The following PARPBP variants were observed in gnomAD, a reference collection of about 807,000 sequenced individuals.
The protein encoded by PARPBP is PCNA-interacting partner.
PARPBP carries 52 observed loss-of-function variants against 50.0 expected under a neutral mutation model. The observed-to-expected ratio is 1.04, with a 90% confidence interval of 0.83 to 1.31. The LOEUF (loss-of-function observed/expected upper bound fraction) is 1.31. PARPBP is among the 50% of genes most tolerant of loss of function. The probability of loss-of-function intolerance (pLI) is 0.00; values close to 1 mark genes in which losing one functional copy is unlikely to be tolerated. For synonymous variants in PARPBP, 244 were observed against 232.1 expected (o/e 1.05, Z -0.47); for missense variants, 697 against 672.0 (o/e 1.04, Z -0.41).
At chr12:102,132,210 CAAAA>C (rs202066385) in intron 2 of PARPBP, among the ~76,000 whole-genome samples, 2 of 104,350 alleles carry the variant, frequency 1.9e-5, no homozygotes, top group Non-Finnish European at 2.0e-5. Flanking sequence ...GACCCTGTCT[CAAAA>C]AAAAAAAAAA....
chr12:102,120,287 G>GT lies in PARPBP; in HGVS notation c.-4+2dup. On this transcript the variant is annotated splice_donor_variant, in intron 1 of 10. Coordinates refer to ENST00000327680, the MANE Select transcript of PARPBP (RefSeq NM_017915.5). LOFTEE classifies it low-confidence loss of function (5UTR_SPLICE). ...CGTCTTCGGGTCTACCCCTAATCAC[G>GT]TAAGTCTCGCGTCTGCCCTACCTGC... 2 of 342,052 alleles carry GT rather than the reference G, an allele frequency of 5.8e-6. No homozygotes were observed. The highest frequency in any genetic ancestry group is 4.1e-5 in the South Asian group (2 of 48,260). The allele number at this position is 342,052 out of a possible 1,614,324, so 21.2% of individuals were successfully genotyped here.
rs994772118 is a variant in PARPBP at position 102,196,159 on chromosome 12, A to G, written c.1608A>G (p.Ile536Met). ...CACCTCAACATAAAAATGCTAAAAT[A>G]CCTAAGAAATCAAATGATTCACAGA... ...NEPPQHKNAK[I>M]PKKSNDSQNR... Residue 536 changes from isoleucine to methionine, a missense_variant, in exon 11 of 11, where the codon ATA (isoleucine) becomes ATG (methionine). Physicochemically the swap from Ile to Met is conservative, Grantham distance 10 (BLOSUM62 1). Transcript: ENST00000327680. 3.5e-5 allele frequency: 57 copies of G among 1,612,036 alleles called. No homozygotes were observed. The highest frequency in any genetic ancestry group is 4.4e-5 in the Non-Finnish European group (52 of 1,178,558).
intron 6 of PARPBP, among the ~76,000 whole-genome samples, chr12:102,172,879 G>A (rs559538976): frequency 1.2e-3 from 176 of 152,090 alleles, no homozygotes; most frequent in African/African-American, 4.0e-3. Context: ...TGTTAATTAC[G>A]TTTTCATTTT....
intron 2 of PARPBP, among the ~76,000 whole-genome samples, chr12:102,124,629 A>T (rs1024988453): frequency 6.6e-6 from 1 of 152,192 alleles, no homozygotes; most frequent in Non-Finnish European, 1.5e-5. Flanking sequence ...AAGGCTGTAG[A>T]GGAGGTATGA....
intron 6 of PARPBP, among the ~76,000 whole-genome samples, chr12:102,171,823 C>T (rs968848314): frequency 1.3e-5 from 2 of 151,142 alleles, no homozygotes; most frequent in Non-Finnish European, 2.9e-5. Context: ...GAGCCGAGAT[C>T]GCGCCACTGC....
chr12:102,155,109 A>G (rs1886697207), intron 4 of PARPBP: 2 of 250,672 alleles, frequency 8.0e-6, no homozygotes, highest in Admixed American at 1.0e-4. Flanking sequence ...GGCTGAACCA[A>G]TCTTTACCTC....
intron 7 of PARPBP, among the ~76,000 whole-genome samples, chr12:102,178,365 A>T (rs1047387949): frequency 6.6e-6 from 1 of 152,168 alleles, no homozygotes; most frequent in Non-Finnish European, 1.5e-5. Context: ...CCAGAACCTA[A>T]TGTCTTCTTT....
intron 4 of PARPBP, among the ~76,000 whole-genome samples, chr12:102,161,248 G>C (rs1036933081): frequency 5.3e-5 from 8 of 151,992 alleles, no homozygotes; most frequent in Admixed American, 4.6e-4. Context: ...TGGGATTACA[G>C]GTGTGTGCCA....
chr12:102,170,748 T>G (rs2136412470), intron 6 of PARPBP, among the ~76,000 whole-genome samples: 1 of 152,328 alleles, frequency 6.6e-6, no homozygotes, highest in Admixed American at 6.5e-5. Context: ...TTGCTCTAAC[T>G]TTATGAACTT....
chr12:102,174,491 C>T (rs897427470), intron 6 of PARPBP, among the ~76,000 whole-genome samples: 1 of 152,140 alleles, frequency 6.6e-6, no homozygotes, highest in Non-Finnish European at 1.5e-5. Flanking sequence ...TTCATAATTT[C>T]CTTTATGCCA....
chr12:102,186,027 G>A (rs776388126), intron 9 of PARPBP, among the ~76,000 whole-genome samples: 5 of 151,978 alleles, frequency 3.3e-5, no homozygotes, highest in Non-Finnish European at 7.4e-5. Context: ...ATTTCTTCAT[G>A]GTTCAATCTT....
intron 2 of PARPBP, among the ~76,000 whole-genome samples, chr12:102,147,517 A>T (rs180675253): frequency 7.0e-6 from 1 of 143,476 alleles, no homozygotes; most frequent in Non-Finnish European, 1.5e-5. Flanking sequence ...TTGAACAATG[A>T]GAACACATGG....
intron 2 of PARPBP, among the ~76,000 whole-genome samples, chr12:102,142,938 C>T (rs1180839511): frequency 2.0e-5 from 3 of 152,208 alleles, no homozygotes; most frequent in African/African-American, 7.2e-5. Flanking sequence ...ACTTGGTGTT[C>T]AGGGACCTAC....
Position 102,148,440 on chromosome 12 carries a change from GA to G in PARPBP, c.368del (p.Asn123IlefsTer21). On this transcript the variant is annotated frameshift_variant, in exon 3 of 11. Coordinates refer to ENST00000327680, the MANE Select transcript of PARPBP (RefSeq NM_017915.5). LOFTEE classifies it high-confidence loss of function. ...QKCRALTSNCENYNTVSPSQL... is the reference protein window; with the variant it reads ...QKCRALTSNCXNYNTVSPSQL... The stretch of plus-strand genomic sequence containing the variant: ...ATGTAGGGCTTTGACTTCTAATTGT[GA>G]AAATTATAACACAGTATCTCCTGTA... 1.4e-6 allele frequency: 2 copies of G among 1,430,700 alleles called. No homozygotes were observed. The highest frequency in any genetic ancestry group is 9.8e-7 in the Non-Finnish European group (1 of 1,019,842). 88.6% of individuals were successfully genotyped at this position (1,430,700 alleles called of 1,614,324 possible).
intron 2 of PARPBP, among the ~76,000 whole-genome samples, chr12:102,145,200 T>A (rs1594498892): frequency 6.6e-6 from 1 of 152,158 alleles, no homozygotes; most frequent in African/African-American, 2.4e-5. Flanking sequence ...GATTTCTTTC[T>A]GTTTTTGTTG....
At chr12:102,185,075 C>T (rs1306592610) in intron 9 of PARPBP, among the ~76,000 whole-genome samples, 1 of 152,092 alleles carries the variant, frequency 6.6e-6, no homozygotes, top group Non-Finnish European at 1.5e-5. Context: ...ATTTTAGTTT[C>T]CTCATTCTTA....
At chr12:102,159,015 A>G (rs995579561) in intron 4 of PARPBP, among the ~76,000 whole-genome samples, 4 of 152,148 alleles carry the variant, frequency 2.6e-5, no homozygotes, top group African/African-American at 9.7e-5. Flanking sequence ...TACTAGTTCA[A>G]CTAATGGATT....
intron 2 of PARPBP, among the ~76,000 whole-genome samples, chr12:102,142,282 A>G (rs1306441991): frequency 1.3e-5 from 2 of 152,106 alleles, no homozygotes; most frequent in African/African-American, 4.8e-5. Context: ...TGAATCAGCC[A>G]CTGAAGCTTG....
chr12:102,141,229 A>G (rs138545354), intron 2 of PARPBP, among the ~76,000 whole-genome samples: 71 of 151,912 alleles, frequency 4.7e-4, no homozygotes, highest in African/African-American at 1.6e-3. Context: ...TCCCTTTACC[A>G]TTATGCAATG....
Sources: gnomAD v4.1 joint callset for allele counts (sites outside exome capture counted in the v4.1 genomes callset) on GRCh38, gnomAD v4.1.1 for gene constraint, MANE v1.5 for transcripts, NCBI Gene and HGNC (gene_info 2026-07-23, HGNC 2026-07-21) for gene names.